CDC42BPB: variants seen among roughly 807,000 people sequenced by gnomAD.
CDC42BPB encodes the protein CDC42 binding protein kinase beta, also known as serine/threonine-protein kinase MRCK beta.
Under a neutral mutation model 214.9 loss-of-function variants are expected in CDC42BPB, and 37 were observed. The observed-to-expected ratio is 0.17, with a 90% CI of 0.13 to 0.23. CDC42BPB has a LOEUF of 0.23. CDC42BPB is among the 10% of genes least tolerant of loss of function. The pLI, the probability that CDC42BPB is intolerant of heterozygous loss-of-function variation, is 1.00. For synonymous variants in CDC42BPB, 931 were observed against 884.0 expected (o/e 1.05, Z -0.94); for missense variants, 1,694 against 2,227.0 (o/e 0.76, Z 4.82).
intron 1 of CDC42BPB, among the ~76,000 whole-genome samples, chr14:103,052,092 A>G (rs139315705): frequency 6.6e-6 from 1 of 151,928 alleles, no homozygotes; most frequent in Non-Finnish European, 1.5e-5. Flanking sequence ...TTGGCCTCCC[A>G]AAGTGCTGGG....
chr14:102,941,624 G>A, intron 30 of CDC42BPB: 6 of 915,426 alleles, frequency 6.6e-6, no homozygotes, highest in Non-Finnish European at 6.5e-6. Flanking sequence ...CAAGGAAGCA[G>A]GAAGAAGTCT....
At chr14:102,978,936 G>A (rs1893878484) in intron 8 of CDC42BPB, among the ~76,000 whole-genome samples, 1 of 152,210 alleles carries the variant, frequency 6.6e-6, no homozygotes, top group Non-Finnish European at 1.5e-5. Flanking sequence ...GAATATGGGA[G>A]GCTGAGGTTG....
At chr14:103,000,673 G>T (rs762389325) in intron 4 of CDC42BPB, among the ~76,000 whole-genome samples, 16 of 152,252 alleles carry the variant, frequency 1.1e-4, no homozygotes, top group Admixed American at 3.9e-4. Context: ...CCCGCACAGG[G>T]AGTAAACGCC....
At chr14:102,957,877 T>TGGGC (rs1323309077) in intron 21 of CDC42BPB, among the ~76,000 whole-genome samples, 6 of 152,222 alleles carry the variant, frequency 3.9e-5, no homozygotes, top group Admixed American at 3.9e-4. Flanking sequence ...TCACCCACCC[T>TGGGC]GGGCAGGCCG....
chr14:103,057,425 G>A lies in CDC42BPB; in HGVS notation c.-252C>T, dbSNP rs1595209406. 1 of 653,276 alleles carries A rather than the reference G, an allele frequency of 1.5e-6. No individual in the cohort carries two copies. Among genetic ancestry groups the A allele is most frequent in the East Asian group, 1.4e-4 (1 of 7,306 alleles). 40.5% of individuals were successfully genotyped at this position (653,276 alleles called of 1,614,324 possible). On this transcript the variant is annotated 5_prime_UTR_variant, in exon 1 of 37. Coordinates refer to ENST00000361246, the MANE Select transcript of CDC42BPB (RefSeq NM_006035.4). ...TCCCCTCGGCGCCGCCGCCCTCCCA[G>A]CTCGGGCGGCCCGCCCCCGCCGCCC...
chr14:102,938,260 A>C, intron 35 of CDC42BPB, 46 bp downstream of exon 35: 4 of 1,596,162 alleles, frequency 2.5e-6, no homozygotes, highest in Non-Finnish European at 3.4e-6. Flanking sequence ...AGCACCCCCT[A>C]CCCCCCACCT....
At chr14:102,939,518 C>G in intron 34 of CDC42BPB, 92 bp downstream of exon 34, 1 of 913,588 alleles carries the variant, frequency 1.1e-6, no homozygotes, top group Non-Finnish European at 1.8e-6. Context: ...CTCGCAGGCA[C>G]TGCCTTTGGG....
chr14:103,034,957 T>G (rs1887587188), intron 1 of CDC42BPB, among the ~76,000 whole-genome samples: 1 of 152,178 alleles, frequency 6.6e-6, no homozygotes, highest in Non-Finnish European at 1.5e-5. Context: ...CAATTATTAT[T>G]AAAATGCTAT....
chr14:102,950,758 C>A, intron 24 of CDC42BPB, 156 bp from the exon 25 acceptor site: 1 of 838,152 alleles, frequency 1.2e-6, no homozygotes, highest in Non-Finnish European at 1.4e-6. Context: ...TTGAGGTCAG[C>A]AGTTTGAGAC....
rs34913937 is a variant in CDC42BPB at position 103,002,337 on chromosome 14, G to A, written c.447+1591C>T. Among the ~76,000 whole-genome samples, 143 of 152,282 alleles carry A rather than the reference G, an allele frequency of 9.4e-4. 2 individuals are homozygous for A. Among genetic ancestry groups the A allele is most frequent in the African/African-American group, 3.3e-3 (138 of 41,544 alleles). Reference sequence around the variant, plus strand: ...TAATTTTCATGGTACGTCTACCTGGGCAACTCCAAAATCTCAAGAACATGG... The same window carrying A: ...TAATTTTCATGGTACGTCTACCTGGACAACTCCAAAATCTCAAGAACATGG... On this transcript the variant is annotated intron_variant, in intron 4 of 36. Coordinates refer to ENST00000361246, the MANE Select transcript of CDC42BPB (RefSeq NM_006035.4).
At chr14:103,024,583 G>A (rs930142550) in intron 1 of CDC42BPB, among the ~76,000 whole-genome samples, 10 of 152,178 alleles carry the variant, frequency 6.6e-5, no homozygotes, top group African/African-American at 2.2e-4. Flanking sequence ...CAAACTCTTA[G>A]GATTAATTCA....
intron 9 of CDC42BPB, among the ~76,000 whole-genome samples, chr14:102,977,099 T>C (rs1893781379): frequency 1.3e-5 from 2 of 151,980 alleles, no homozygotes; most frequent in Admixed American, 6.6e-5. Flanking sequence ...CCTGACACTT[T>C]GGGAGGCCGA....
At chr14:102,996,150 T>C (rs1894721201) in intron 5 of CDC42BPB, among the ~76,000 whole-genome samples, 1 of 151,968 alleles carries the variant, frequency 6.6e-6, no homozygotes, top group Non-Finnish European at 1.5e-5. Flanking sequence ...CCATTCTGGC[T>C]AACACGGTGA....
chr14:103,028,055 G>C (rs1054523371), intron 1 of CDC42BPB, among the ~76,000 whole-genome samples: 12 of 152,160 alleles, frequency 7.9e-5, no homozygotes, highest in Non-Finnish European at 1.6e-4. Flanking sequence ...GCTTGAACCT[G>C]GGAGGCAGAG....
At chr14:103,000,306 A>G (rs1419573469) in intron 4 of CDC42BPB, among the ~76,000 whole-genome samples, 1 of 152,272 alleles carries the variant, frequency 6.6e-6, no homozygotes, top group Non-Finnish European at 1.5e-5. Flanking sequence ...CTTCCCCGCG[A>G]GTTCCCTCGC....
At chr14:102,948,066 AG>A in intron 26 of CDC42BPB, 1 of 673,054 alleles carries the variant, frequency 1.5e-6, no homozygotes, top group Non-Finnish European at 1.8e-6. Context: ...AGACTATGCC[AG>A]TTACAGAAGA....
intron 1 of CDC42BPB, among the ~76,000 whole-genome samples, chr14:103,051,426 T>TAA (rs549332515): frequency 0.015 from 1,216 of 80,812 alleles, 24 homozygotes; most frequent in African/African-American, 0.044. Context: ...CTCTTCCAGC[T>TAA]AAAAAAAAAA....
In CDC42BPB at chr14:102,976,095, C is replaced by T. The variant is rs746041548; in HGVS notation, c.1221-46G>A. On this transcript the variant is annotated intron_variant, in intron 9 of 36. Transcript: ENST00000361246. ...TTTTTTTGATCTACTGAAAATTTAG[C>T]GATTTCATTAGCATTTTCAATCTTC... 1.2e-5 allele frequency: 19 copies of T among 1,594,458 alleles called. No individual in the cohort carries two copies. The South Asian group carries it at 1.9e-4, about 16-fold the overall frequency.
chr14:102,985,343 T>G (rs1894195366), intron 6 of CDC42BPB, among the ~76,000 whole-genome samples: 1 of 149,172 alleles, frequency 6.7e-6, no homozygotes, highest in Non-Finnish European at 1.5e-5. Context: ...CGTGACAGGG[T>G]GGTGTGGAGG....
Sources: gnomAD v4.1 joint callset for allele counts (sites outside exome capture counted in the v4.1 genomes callset) on GRCh38, gnomAD v4.1.1 for gene constraint, MANE v1.5 for transcripts, NCBI Gene and HGNC (gene_info 2026-07-23, HGNC 2026-07-21) for gene names.